GCNT1: variants seen among roughly 807,000 people sequenced by gnomAD.
GCNT1 encodes beta-1,3-galactosyl-O-glycosyl-glycoprotein beta-1,6-N-acetylglucosaminyltransferase.
Under a neutral mutation model 26.2 loss-of-function variants are expected in GCNT1, and 16 were observed. The observed-to-expected ratio is 0.61, with a 90% confidence interval of 0.41 to 0.93. GCNT1 has a LOEUF of 0.93. Ranked by LOEUF, GCNT1 falls within the 40% of genes least tolerant of loss-of-function variation. The pLI, the probability that GCNT1 is intolerant of heterozygous loss-of-function variation, is 0.00. For synonymous variants in GCNT1, 183 were observed against 190.8 expected (o/e 0.96, Z 0.34); for missense variants, 477 against 526.7 (o/e 0.91, Z 0.92).
chr9:76,443,190 C>T (rs569083579), intron 1 of GCNT1, among the ~76,000 whole-genome samples: 13 of 152,202 alleles, frequency 8.5e-5, no homozygotes, highest in Non-Finnish European at 1.6e-4. Context: ...GGTGAAACCC[C>T]GTCTGTGAAG....
At chr9:76,413,884 T>G in the GCNT1 span, among the ~76,000 whole-genome samples, 2 of 152,246 alleles carry the variant, frequency 1.3e-5, no homozygotes, top group East Asian at 1.9e-4. Context: ...ATTCTGGGTT[T>G]TTTTGTCCAG....
At chr9:76,394,282 T>G in the GCNT1 span, 2 of 1,098,964 alleles carry the variant, frequency 1.8e-6, no homozygotes, top group African/African-American at 1.7e-5. Flanking sequence ...GCGTGAGCTC[T>G]GCCTGCCGCG....
intron 2 of GCNT1, among the ~76,000 whole-genome samples, chr9:76,493,005 T>C (rs968173374): frequency 6.6e-6 from 1 of 152,178 alleles, no homozygotes; most frequent in Admixed American, 6.5e-5. Flanking sequence ...ACTTATCTTT[T>C]AGGATCAATT....
chr9:76,444,839 C>A (rs898727919), intron 1 of GCNT1, among the ~76,000 whole-genome samples: 1 of 152,180 alleles, frequency 6.6e-6, no homozygotes, highest in African/African-American at 2.4e-5. Flanking sequence ...ACAGCACCTT[C>A]TTCCCTGACC....
chr9:76,441,991 G>A (rs535681160), exon 1 of GCNT1: 3 of 152,270 alleles, frequency 2.0e-5, no homozygotes, highest in Middle Eastern at 3.4e-3. Context: ...CTTGTGATAC[G>A]GATCAATGTG....
intron 2 of GCNT1, among the ~76,000 whole-genome samples, chr9:76,492,063 C>T (rs1221683558): frequency 7.9e-5 from 12 of 152,176 alleles, no homozygotes; most frequent in Non-Finnish European, 1.3e-4. Context: ...TTAGGTATGC[C>T]ACTGGTTGTG....
chr9:76,429,620 A>G (rs1376069492), intron 1 of GCNT1, among the ~76,000 whole-genome samples: 1 of 152,024 alleles, frequency 6.6e-6, no homozygotes, highest in Non-Finnish European at 1.5e-5. Flanking sequence ...TTAGGAGGCT[A>G]GGTCCAGCTT....
At chr9:76,484,835 C>T (rs1824525933) in intron 2 of GCNT1, among the ~76,000 whole-genome samples, 1 of 143,936 alleles carries the variant, frequency 6.9e-6, no homozygotes, top group African/African-American at 2.6e-5. Flanking sequence ...GTTACCCAGG[C>T]TGGAGTGCAG....
chr9:76,502,749 T>C lies in GCNT1; in HGVS notation c.368T>C (p.Ile123Thr). 1 of 1,614,174 alleles carries C rather than the reference T, an allele frequency of 6.2e-7. No individual in the cohort carries two copies. Among genetic ancestry groups the C allele is most frequent in the East Asian group, 2.2e-5 (1 of 44,880 alleles). ...PLSKEEAEFP[I>T]AYSIVVHHKI... ...AGTAAAGAAGAGGCGGAGTTTCCAA[T>C]AGCATATTCTATAGTGGTTCATCAC... The change falls in exon 4 of 4, where the codon ATA becomes ACA. Residue 123 changes from isoleucine to threonine, a missense_variant. Physicochemically the swap from Ile to Thr is moderately conservative, Grantham distance 89. Transcript: ENST00000376730.
Position 76,504,031 on chromosome 9 carries a change from C to CA in GCNT1, c.*367dup. The CA allele has an allele frequency of 4.7e-6, 1 of 213,242 alleles. No homozygotes were observed. The highest frequency in any genetic ancestry group is 1.0e-5 in the Non-Finnish European group (1 of 95,544). 13.2% of individuals were successfully genotyped at this position (213,242 alleles called of 1,614,324 possible). A position where few individuals can be genotyped will look rare whatever the true frequency, so the allele number is the denominator to read the frequency against. On this transcript the variant is annotated 3_prime_UTR_variant, in exon 4 of 4. Transcript: ENST00000376730. ...CAAAATGAGAAGATGTGACCTGTGCCAAAACTATTTTGAGAATTTTAAATG... is the reference window on the plus strand; with the variant it reads ...CAAAATGAGAAGATGTGACCTGTGCCAAAAACTATTTTGAGAATTTTAAATG...
At chr9:76,476,601 C>G (rs1407103653) in intron 2 of GCNT1, among the ~76,000 whole-genome samples, 1 of 151,822 alleles carries the variant, frequency 6.6e-6, no homozygotes, top group African/African-American at 2.4e-5. Flanking sequence ...ACAGATATTT[C>G]TGCTCAAGCC....
intron 1 of GCNT1, among the ~76,000 whole-genome samples, chr9:76,443,716 A>G (rs1267355453): frequency 6.6e-6 from 1 of 152,130 alleles, no homozygotes; most frequent in Non-Finnish European, 1.5e-5. Flanking sequence ...ATCCGTCTCT[A>G]CTAAAGATAC....
At chr9:76,426,288 T>A (rs945737603) in intron 1 of GCNT1, among the ~76,000 whole-genome samples, 1 of 152,204 alleles carries the variant, frequency 6.6e-6, no homozygotes, top group African/African-American at 2.4e-5. Context: ...ATTTTCTCAG[T>A]TATAATTTTG....
intron 2 of GCNT1, among the ~76,000 whole-genome samples, chr9:76,472,958 G>A (rs11792509): frequency 0.19 from 28,174 of 151,774 alleles, 3,420 homozygotes; most frequent in Non-Finnish European, 0.27. Context: ...CACGTTGGCC[G>A]GGGTGGTCTA....
chr9:76,396,818 A>C, the GCNT1 span, among the ~76,000 whole-genome samples: 2 of 152,324 alleles, frequency 1.3e-5, no homozygotes, highest in East Asian at 3.9e-4. Context: ...CATATGGGGC[A>C]ACAGAGCGAG....
chr9:76,416,909 A>C (rs1373162554), upstream of GCNT1, among the ~76,000 whole-genome samples: 3 of 151,890 alleles, frequency 2.0e-5, no homozygotes, highest in African/African-American at 7.3e-5. Flanking sequence ...AAATACAAAA[A>C]ATTAGCTGGG....
chr9:76,433,306 A>T (rs1354933221), intron 1 of GCNT1, among the ~76,000 whole-genome samples: 1 of 152,174 alleles, frequency 6.6e-6, no homozygotes, highest in Non-Finnish European at 1.5e-5. Context: ...TGTGGGCTGG[A>T]GTGGGGCAAT....
At chr9:76,466,914 T>A (rs1824007667) in intron 2 of GCNT1, among the ~76,000 whole-genome samples, 1 of 152,186 alleles carries the variant, frequency 6.6e-6, no homozygotes, top group Non-Finnish European at 1.5e-5. Context: ...TGGAAAGTGT[T>A]ATGAATGATG....
intron 2 of GCNT1, among the ~76,000 whole-genome samples, chr9:76,491,082 A>G (rs1209379914): frequency 3.3e-5 from 5 of 152,104 alleles, no homozygotes; most frequent in Non-Finnish European, 5.9e-5. Context: ...TTTTTTCTTT[A>G]CTACTTCCAT....
Sources: allele counts gnomAD v4.1 joint callset (sites outside exome capture counted in the v4.1 genomes callset), GRCh38; gene constraint gnomAD v4.1.1; transcripts MANE v1.5; gene names NCBI Gene and HGNC (gene_info 2026-07-23, HGNC 2026-07-21).